Variants in ARHGEF9 observed in about 807,000 individuals in gnomAD.
ARHGEF9 encodes rho guanine nucleotide exchange factor 9.
In ARHGEF9, 2 loss-of-function variants were observed where a neutral mutation model predicts 41.3. The observed-to-expected ratio is 0.05, with a 90% CI of 0.02 to 0.15. ARHGEF9 has a LOEUF of 0.15. Ranked by LOEUF, ARHGEF9 falls within the 10% of genes least tolerant of loss-of-function variation. The probability of loss-of-function intolerance (pLI) is 1.00; values close to 1 mark genes in which losing one functional copy is unlikely to be tolerated. For missense variants in ARHGEF9, 225 were observed against 424.7 expected (o/e 0.53, Z 4.13); for synonymous variants, 160 against 154.4 (o/e 1.04, Z -0.27).
chrX:63,674,627 TC>T (rs1350441579), intron 5 of ARHGEF9, among the ~76,000 whole-genome samples: 1 of 111,780 alleles, frequency 8.9e-6, no homozygotes, highest in Non-Finnish European at 1.9e-5. Context: ...GTGTGTCTGT[TC>T]CCATACATCT....
chrX:63,725,951 C>A (rs1476405666), intron 1 of ARHGEF9, among the ~76,000 whole-genome samples: 2 of 112,577 alleles, frequency 1.8e-5, no homozygotes, highest in Non-Finnish European at 3.8e-5. Flanking sequence ...GAATATACAT[C>A]CTGTCTCATA....
At chrX:63,658,624 C>T (rs1172157902) in intron 7 of ARHGEF9, among the ~76,000 whole-genome samples, 2 of 111,909 alleles carry the variant, frequency 1.8e-5, no homozygotes, top group African/African-American at 6.5e-5. Context: ...CCACCAAATA[C>T]AGCCCTGAGC....
At chrX:63,766,205 A>G (rs1254950235) in intron 1 of ARHGEF9, among the ~76,000 whole-genome samples, 2 of 112,199 alleles carry the variant, frequency 1.8e-5, no homozygotes, top group African/African-American at 6.5e-5. Context: ...AGTGCCTAAA[A>G]CAGTGCCTGC....
At chrX:63,766,009 AC>A (rs1245426201) in intron 1 of ARHGEF9, among the ~76,000 whole-genome samples, 1 of 111,725 alleles carries the variant, frequency 9.0e-6, no homozygotes, top group African/African-American at 3.3e-5. Context: ...AATTTTAACC[AC>A]CCACATACAT....
chrX:63,667,987 G>A (rs1556350900), intron 6 of ARHGEF9, among the ~76,000 whole-genome samples: 1 of 111,207 alleles, frequency 9.0e-6, no homozygotes, highest in Non-Finnish European at 1.9e-5. Flanking sequence ...GTCCAATAAA[G>A]CCATAAAAGA....
At position 63,748,168 on chromosome X, in the gene ARHGEF9, C is replaced by T. The variant is rs782154881; in HGVS notation, c.31-23457G>A. Among the ~76,000 whole-genome samples, 327 of 112,044 alleles carry T rather than the reference C, an allele frequency of 2.9e-3. 1 individual carries two copies. The highest frequency in any genetic ancestry group is 0.01 in the African/African-American group (318 of 30,841). On this transcript the variant is annotated intron_variant, in intron 1 of 9. Coordinates refer to ENST00000671741, the MANE Select transcript of ARHGEF9 (RefSeq NM_001353921.2). ...ACCAGGTGCAGTCTGCACTGGTTGA[C>T]CAGATACATACAAAAATTAACAAGT...
intron 9 of ARHGEF9, among the ~76,000 whole-genome samples, chrX:63,643,128 GAGCAT>G (rs1556308169): frequency 1.8e-5 from 2 of 112,177 alleles, no homozygotes; most frequent in East Asian, 5.6e-4. Context: ...TTGTTTGGCT[GAGCAT>G]GATAGTTTTG....
intron 2 of ARHGEF9, among the ~76,000 whole-genome samples, chrX:63,710,176 C>T (rs2052823215): frequency 9.3e-6 from 1 of 107,658 alleles, no homozygotes; most frequent in South Asian, 4.0e-4. Context: ...GGATAAAGTC[C>T]TAGAAAGACA....
chrX:63,667,311 C>T (rs1197156659), intron 6 of ARHGEF9, among the ~76,000 whole-genome samples: 2 of 111,567 alleles, frequency 1.8e-5, no homozygotes, highest in Non-Finnish European at 3.8e-5. Flanking sequence ...GTCCATGACC[C>T]AACTCCAACC....
At chrX:63,693,233 A>G (rs187877789) in intron 4 of ARHGEF9, among the ~76,000 whole-genome samples, 12 of 112,451 alleles carry the variant, frequency 1.1e-4, no homozygotes, top group African/African-American at 1.6e-4. Context: ...CTTGTTTCAA[A>G]ATAGCTAGAA....
chrX:63,741,702 T>C (rs1355319171), intron 1 of ARHGEF9, among the ~76,000 whole-genome samples: 1 of 112,843 alleles, frequency 8.9e-6, no homozygotes, highest in Non-Finnish European at 1.9e-5. Context: ...TTGTGCCTTA[T>C]ATGCATCCAT....
intron 1 of ARHGEF9, among the ~76,000 whole-genome samples, chrX:63,784,533 C>A (rs1487512271): frequency 8.9e-6 from 1 of 112,301 alleles, no homozygotes; most frequent in African/African-American, 3.2e-5. Context: ...GACAGGGTGA[C>A]CCCAGCCCGG....
At chrX:63,674,635 A>G (rs2050149736) in intron 5 of ARHGEF9, among the ~76,000 whole-genome samples, 2 of 111,525 alleles carry the variant, frequency 1.8e-5, no homozygotes, top group African/African-American at 6.5e-5. Flanking sequence ...GTTCCCATAC[A>G]TCTTTTTGCA....
At chrX:63,691,512 T>C (rs1278564503) in intron 4 of ARHGEF9, among the ~76,000 whole-genome samples, 1 of 111,408 alleles carries the variant, frequency 9.0e-6, no homozygotes, top group Non-Finnish European at 1.9e-5. Context: ...ATATCCCATA[T>C]TGATGGATGG....
chrX:63,769,632 C>G (rs1231158457), intron 1 of ARHGEF9, among the ~76,000 whole-genome samples: 1 of 111,225 alleles, frequency 9.0e-6, no homozygotes, highest in African/African-American at 3.3e-5. Flanking sequence ...TGGGCCGGGC[C>G]CAGGGTCCCT....
chrX:63,727,910 G>C (rs2054065270), intron 1 of ARHGEF9, among the ~76,000 whole-genome samples: 1 of 112,008 alleles, frequency 8.9e-6, no homozygotes, highest in South Asian at 3.7e-4. Flanking sequence ...TTCCAGTAGA[G>C]GCACAGTCTG....
chrX:63,736,873 T>G (rs2054641808), intron 1 of ARHGEF9: 1 of 111,712 alleles, frequency 9.0e-6, no homozygotes, highest in South Asian at 3.7e-4. Flanking sequence ...ATCCCAATAT[T>G]TAAATATTAA....
chrX:63,750,866 G>A lies in ARHGEF9; in HGVS notation c.31-26155C>T, dbSNP rs187317441. 8.1e-5 allele frequency among the ~76,000 whole-genome samples: 9 copies of A among 111,076 alleles called. 1 individual carries two copies. In the East Asian group the frequency reaches 2.0e-3, roughly 25 times the overall value. ...ACATGTCTGCTGTGGACATGTTTCC[G>A]AGGCATTTGCAGGAAATTGGGATTC... On this transcript the variant is annotated intron_variant, in intron 1 of 9. Coordinates refer to ENST00000671741, the MANE Select transcript of ARHGEF9 (RefSeq NM_001353921.2).
intron 1 of ARHGEF9, among the ~76,000 whole-genome samples, chrX:63,758,731 C>A (rs187238955): frequency 8.9e-6 from 1 of 112,519 alleles, no homozygotes; most frequent in East Asian, 2.8e-4. Context: ...CTCTAATGTT[C>A]TCTTCCTCAA....
Sources: allele counts gnomAD v4.1 joint callset (sites outside exome capture counted in the v4.1 genomes callset), GRCh38; gene constraint gnomAD v4.1.1; transcripts MANE v1.5; gene names NCBI Gene and HGNC (gene_info 2026-07-23, HGNC 2026-07-21).